The following KCNG1 variants were observed in gnomAD, a reference collection of about 807,000 sequenced individuals.
The protein encoded by KCNG1 is potassium voltage-gated channel modifier subfamily G member 1.
KCNG1 carries 17 observed loss-of-function variants against 32.4 expected under a neutral mutation model. The ratio of observed to expected loss-of-function variants is 0.52; its 90% CI spans 0.36 to 0.79. The LOEUF is 0.79. Ranked by LOEUF, KCNG1 falls within the 30% of genes least tolerant of loss-of-function variation. The pLI is 0.00. For missense variants in KCNG1, 441 were observed against 735.2 expected, an observed-to-expected ratio of 0.60 and a Z score of 4.63; for synonymous variants, 358 against 339.9, an observed-to-expected ratio of 1.05 and a Z score of -0.59.
At chr20:51,008,957 G>A (rs1431721945) in intron 2 of KCNG1, among the ~76,000 whole-genome samples, 1 of 152,166 alleles carries the variant, frequency 6.6e-6, no homozygotes, top group African/African-American at 2.4e-5. Flanking sequence ...TCCGGCTCCC[G>A]TGAACTCCCA....
At position 51,009,624 on chromosome 20, in the gene KCNG1, C is replaced by T. The variant is rs1457752627; in HGVS notation, c.715G>A (p.Val239Ile). The part of the protein sequence containing the change: ...FACLSVLFVT[V>I]TAVNLSVSTL... ...CTGACGGAGAGGTTGACGGCGGTGA[C>T]GGTCACGAAGAGCACCGACAGGCAG... The change falls in exon 2 of 3, where the codon GTC becomes ATC. Residue 239 changes from valine (V) to isoleucine (I), a missense_variant. Transcript: ENST00000371571. 4 of 1,610,302 alleles carry T rather than the reference C, an allele frequency of 2.5e-6. No homozygotes were observed. Among genetic ancestry groups the T allele is most frequent in the South Asian group, 1.1e-5 (1 of 90,804 alleles).
At chr20:51,013,259 G>A (rs1988159485) in intron 1 of KCNG1, among the ~76,000 whole-genome samples, 1 of 151,760 alleles carries the variant, frequency 6.6e-6, no homozygotes, top group African/African-American at 2.4e-5. Context: ...CTGAGATGGT[G>A]CCACTGCACT....
chr20:51,004,352 C>A lies in KCNG1; in HGVS notation c.1229G>T (p.Ser410Ile), dbSNP rs1262036881. The change falls in exon 3 of 3, where the codon AGC becomes ATC. Residue 410 changes from serine (S) to isoleucine (I), a missense_variant. Physicochemically the swap from Ser to Ile is moderately radical, Grantham distance 142. Around this residue, in one of 6 missense-constraint regions of KCNG1, gnomAD observed 169 missense variants for 297.7 expected, o/e 0.57. Coordinates refer to ENST00000371571, the MANE Select transcript of KCNG1 (RefSeq NM_002237.4). This position sits in a 1 kb window ranked among gnomAD's most constrained non-coding sequence, Gnocchi z 4.3. ...AGCCCACCAGTAGCAGGCAGGGATGCTGGTGAACTCGGGGCTGTCGGCCAT... is the reference window on the plus strand; with the variant it reads ...AGCCCACCAGTAGCAGGCAGGGATGATGGTGAACTCGGGGCTGTCGGCCAT... ...NEMADSPEFT[S>I]IPACYWWAVI... is the part of the protein sequence containing the mutation. The A allele has an allele frequency of 6.2e-7, 1 of 1,613,896 alleles. No individual in the cohort carries two copies. Among genetic ancestry groups the A allele is most frequent in the Admixed American group, 1.7e-5 (1 of 60,020 alleles).
At chr20:51,017,395 C>A (rs1248802155) in intron 1 of KCNG1, among the ~76,000 whole-genome samples, 3 of 152,182 alleles carry the variant, frequency 2.0e-5, no homozygotes, top group Non-Finnish European at 4.4e-5. Context: ...ATGTGAGGAT[C>A]TATATTAACC....
At chr20:51,017,958 T>C (rs1373105641) in intron 1 of KCNG1, among the ~76,000 whole-genome samples, 1 of 152,160 alleles carries the variant, frequency 6.6e-6, no homozygotes, top group Non-Finnish European at 1.5e-5. Flanking sequence ...CCACTGACAC[T>C]CTCCTCGCAA....
Position 51,004,463 on chromosome 20 carries a change from C to T in KCNG1, c.1118G>A (p.Cys373Tyr). The T allele has an allele frequency of 6.2e-7, 1 of 1,600,642 alleles. No homozygotes were observed. The change falls in exon 3 of 3, where the codon TGC (cysteine) becomes TAC (tyrosine). Residue 373 changes from cysteine (C) to tyrosine (Y), a missense_variant. Around this residue, in one of 6 missense-constraint regions of KCNG1, gnomAD observed 169 missense variants for 297.7 expected, o/e 0.57. Transcript: ENST00000371571. This position sits in a 1 kb window ranked among gnomAD's most constrained non-coding sequence, Gnocchi z 4.3. ...CAGCAGGAGCCCGAACTCGCGGGTG[C>T]AGCGGCGGGCCGTGAGCCCCAGCGT... ...LQTLGLTARR[C>Y]TREFGLLLLF...
At position 51,004,847 on chromosome 20, in the gene KCNG1, C is replaced by T; in HGVS notation, c.775-41G>A. On this transcript the variant is annotated intron_variant, in intron 2 of 2. Coordinates refer to ENST00000371571, the MANE Select transcript of KCNG1 (RefSeq NM_002237.4). The surrounding 1 kb of genome is among the most constrained non-coding windows in gnomAD (Gnocchi z 4.3). ...AGGGACGCCGGAGGGGTCAGCGGGC[C>T]CTCCAGGAAAGGAGGGCAGAAGCTC... is the stretch of plus-strand genomic sequence containing the variant. 4.7e-6 allele frequency: 7 copies of T among 1,483,600 alleles called. No individual in the cohort carries two copies. The highest frequency in any genetic ancestry group is 6.3e-6 in the Non-Finnish European group (7 of 1,111,250). The allele number at this position is 1,483,600 out of a possible 1,614,324, so 91.9% of individuals were successfully genotyped here.
At chr20:51,010,487 C>T in intron 1 of KCNG1, 123 bp from the exon 2 acceptor site, 1 of 700,064 alleles carries the variant, frequency 1.4e-6, no homozygotes. Flanking sequence ...CCATAGGTTG[C>T]AGGCCCTAGC....
At chr20:51,007,530 T>A (rs2123218038) in intron 2 of KCNG1, among the ~76,000 whole-genome samples, 1 of 150,798 alleles carries the variant, frequency 6.6e-6, no homozygotes, top group Non-Finnish European at 1.5e-5. Flanking sequence ...AAGTTAACCT[T>A]ACTGGTTGAA....
At chr20:51,019,558 T>G (rs1277188486) in intron 1 of KCNG1, among the ~76,000 whole-genome samples, 1 of 152,034 alleles carries the variant, frequency 6.6e-6, no homozygotes, top group African/African-American at 2.4e-5. Flanking sequence ...TTTAAGCCAC[T>G]AAATGTGTGC....
intron 2 of KCNG1, 64 bp downstream of exon 2, chr20:51,009,501 G>C: frequency 6.7e-7 from 1 of 1,481,842 alleles, no homozygotes. Flanking sequence ...TCTGGAGGAG[G>C]TGACAATGCT....
chr20:51,009,339 A>G (rs1987962461), intron 2 of KCNG1, among the ~76,000 whole-genome samples: 1 of 152,218 alleles, frequency 6.6e-6, no homozygotes, highest in Non-Finnish European at 1.5e-5. Context: ...GGGGGAGGGC[A>G]GTGGTGGGCA....
chr20:51,020,825 A>G (rs1341870724), intron 1 of KCNG1, among the ~76,000 whole-genome samples: 1 of 152,114 alleles, frequency 6.6e-6, no homozygotes, highest in African/African-American at 2.4e-5. Flanking sequence ...TCCAGCACAC[A>G]TCTCTTTGTT....
intron 1 of KCNG1, among the ~76,000 whole-genome samples, chr20:51,016,465 GCTGGTT>G (rs1238784065): frequency 6.6e-6 from 1 of 152,148 alleles, no homozygotes; most frequent in African/African-American, 2.4e-5. Flanking sequence ...TTGAAAAAAA[GCTGGTT>G]CTGGTTCTGG....
At chr20:51,017,082 G>A (rs189211538) in intron 1 of KCNG1, among the ~76,000 whole-genome samples, 62 of 152,332 alleles carry the variant, frequency 4.1e-4, no homozygotes, top group Admixed American at 1.1e-3. Context: ...TGCTTCTGGG[G>A]AACCAGATGG....
At chr20:51,017,971 T>C (rs930299894) in intron 1 of KCNG1, among the ~76,000 whole-genome samples, 5 of 152,210 alleles carry the variant, frequency 3.3e-5, no homozygotes, top group Non-Finnish European at 5.9e-5. Flanking sequence ...CCTCGCAATT[T>C]TTCTATCTTT....
chr20:51,019,931 T>A lies in KCNG1; in HGVS notation c.-27+2939A>T, dbSNP rs116788964. Among the ~76,000 whole-genome samples the A allele has an allele frequency of 8.3e-3, 1,259 of 152,312 alleles. 22 individuals carry two copies. The highest frequency in any genetic ancestry group is 0.028 in the African/African-American group (1,171 of 41,564). ...CATGTTAGATTTCCAAGAGCTGCTGTGCCCTGGTGGAGAATATATCTTTCT... is the reference window on the plus strand; with the variant it reads ...CATGTTAGATTTCCAAGAGCTGCTGAGCCCTGGTGGAGAATATATCTTTCT... On this transcript the variant is annotated intron_variant, in intron 1 of 2. Transcript: ENST00000371571.
Position 51,004,545 on chromosome 20 carries a change from G to T in KCNG1, c.1036C>A (p.Arg346=), listed in dbSNP as rs779571071. 3.2e-6 allele frequency: 5 copies of T among 1,582,592 alleles called. No individual in the cohort carries two copies. Among genetic ancestry groups the T allele is most frequent in the African/African-American group, 1.3e-5 (1 of 74,298 alleles). The change falls in exon 3 of 3, where the codon CGG becomes AGG. Residue 346 remains arginine (R), a synonymous_variant. Transcript: ENST00000371571. The surrounding 1 kb of genome is among the most constrained non-coding windows in gnomAD (Gnocchi z 4.3). ...DKVGLVLRVL[R]ALRILYVMRL... ...ATCACGTACAGGATGCGCAGCGCCC[G>T]CAGCACGCGCAGCACCAGCCCCACC...
Position 51,010,219 on chromosome 20 carries a change from G to T in KCNG1, c.120C>A (p.Tyr40Ter). The change falls in exon 2 of 3, where the codon TAC becomes TAA. Residue 40 changes from tyrosine to a stop codon, truncating the protein, a stop_gained. Coordinates refer to ENST00000371571, the MANE Select transcript of KCNG1 (RefSeq NM_002237.4). LOFTEE classifies it high-confidence loss of function. ...GCGGCCGCAGCCGCTGCGCCCGGCG[G>T]TAGAACGCGCCCTTGATGGCCTGGC... is the stretch of plus-strand genomic sequence containing the variant. ...PQRQAIKGAFYRRAQRLRPQD... is the reference protein window; with the variant it reads ...PQRQAIKGAF The T allele has an allele frequency of 6.4e-7, 1 of 1,574,184 alleles. No homozygotes were observed.
Sources: gnomAD v4.1 joint callset for allele counts (sites outside exome capture counted in the v4.1 genomes callset) on GRCh38, gnomAD v4.1.1 for gene constraint, gnomAD v4.1.1 regional missense constraint, Gnocchi (gnomAD v3.1) non-coding constraint, MANE v1.5 for transcripts, NCBI Gene and HGNC (gene_info 2026-07-23, HGNC 2026-07-21) for gene names.